The following KLB variants were observed in gnomAD, a reference collection of about 807,000 sequenced individuals.
KLB encodes the protein klotho beta.
Under a neutral mutation model 88.4 loss-of-function variants are expected in KLB, and 44 were observed. The observed-to-expected ratio is 0.50, with a 90% CI of 0.39 to 0.64. KLB has a LOEUF of 0.64. Among genes scored for constraint, KLB ranks in the 30% least tolerant of loss-of-function variants. The pLI is 0.00. For missense variants in KLB, 1,137 were observed against 1,304.8 expected (o/e 0.87, Z 1.98); for synonymous variants, 548 against 513.4 (o/e 1.07, Z -0.91).
At chr4:39,422,682 AAG>A (rs1743116162) in intron 1 of KLB, among the ~76,000 whole-genome samples, 1 of 152,126 alleles carries the variant, frequency 6.6e-6, no homozygotes, top group African/African-American at 2.4e-5. Flanking sequence ...ACTCATCTCT[AAG>A]ACCCTTTTAA....
At chr4:39,423,709 CCCTCCCCTGGG>C (rs1278201972) in intron 1 of KLB, among the ~76,000 whole-genome samples, 2 of 151,786 alleles carry the variant, frequency 1.3e-5, no homozygotes, top group Non-Finnish European at 2.9e-5. Flanking sequence ...CTAGGCCAGG[CCCTCCCCTGGG>C]CATCTGTGTG....
intron 1 of KLB, among the ~76,000 whole-genome samples, chr4:39,427,523 G>A (rs547076601): frequency 6.7e-6 from 1 of 148,910 alleles, no homozygotes; most frequent in African/African-American, 2.5e-5. Context: ...CCAAAATAGA[G>A]AAGGGCTAAG....
intron 1 of KLB, among the ~76,000 whole-genome samples, chr4:39,426,370 G>A (rs1160243135): frequency 6.9e-5 from 9 of 130,824 alleles, no homozygotes; most frequent in African/African-American, 1.1e-4. Context: ...AACTGAGATC[G>A]CGCCACTACA....
intron 3 of KLB, among the ~76,000 whole-genome samples, chr4:39,439,265 C>T (rs973691180): frequency 1.7e-4 from 26 of 152,050 alleles, no homozygotes; most frequent in Non-Finnish European, 3.4e-4. Flanking sequence ...TCCCAAAGTA[C>T]TGGGGTTGCA....
In KLB at chr4:39,434,252, C is replaced by G. The variant is rs1338764006; in HGVS notation, c.868C>G (p.Pro290Ala). 9 of 1,613,490 alleles carry G rather than the reference C, an allele frequency of 5.6e-6. No homozygotes were observed. In the African/African-American group the frequency reaches 1.2e-4, roughly 22 times the overall value. The change falls in exon 2 of 5, where the codon CCA becomes GCA. Residue 290 changes from proline (P) to alanine (A), a missense_variant. Pro to Ala is a conservative substitution (Grantham distance 27, BLOSUM62 -1). Coordinates refer to ENST00000257408, the MANE Select transcript of KLB (RefSeq NM_175737.4). ...VWHNYNTHFR[P>A]HQKGWLSITL... ...GCATAACTACAACACACATTTCCGC[C>G]CACATCAGAAGGGTTGGTTATCGAT...
chr4:39,440,384 G>A lies in KLB; in HGVS notation c.1605+2389G>A, dbSNP rs527791480. 1.8e-3 allele frequency among the ~76,000 whole-genome samples: 266 copies of A among 151,454 alleles called. 2 individuals carry two copies. The highest frequency in any genetic ancestry group is 2.7e-3 in the Non-Finnish European group (184 of 67,878). ...GGTCTTGAATGTCTTGACCTCAAGT[G>A]ATCTGCCTGCCTCAGTCTCCCAAAG... On this transcript the variant is annotated intron_variant, in intron 3 of 4. Transcript: ENST00000257408.
Position 39,446,166 on chromosome 4 carries a change from T to C in KLB, c.1606-166T>C, listed in dbSNP as rs1193893894. On this transcript the variant is annotated intron_variant, in intron 3 of 4. Transcript: ENST00000257408. This position sits in a 1 kb window ranked among gnomAD's most constrained non-coding sequence, Gnocchi z 6.4. ...CTTGTTTTCCAAGCCAGGACCTGGG[T>C]GTGGCTCCTTCTCTGTTTTCTGGTC... Among the ~76,000 whole-genome samples, 4 of 152,260 alleles carry C rather than the reference T, an allele frequency of 2.6e-5. No individual in the cohort carries two copies. Among genetic ancestry groups the C allele is most frequent in the Admixed American group, 6.5e-5 (1 of 15,300 alleles).
chr4:39,409,119 G>A (rs1373751974), intron 1 of KLB, among the ~76,000 whole-genome samples: 1 of 151,646 alleles, frequency 6.6e-6, no homozygotes, highest in Non-Finnish European at 1.5e-5. Context: ...ATGATTTCAA[G>A]GTCATTTGCA....
intron 3 of KLB, among the ~76,000 whole-genome samples, chr4:39,438,798 C>T (rs1578212206): frequency 6.6e-6 from 1 of 152,146 alleles, no homozygotes; most frequent in East Asian, 1.9e-4. Flanking sequence ...TTTAACTATG[C>T]TACCTGGAAA....
chr4:39,444,563 T>C (rs1743693884), intron 3 of KLB, among the ~76,000 whole-genome samples: 1 of 152,180 alleles, frequency 6.6e-6, no homozygotes, highest in Admixed American at 6.5e-5. Flanking sequence ...TGCATCATCT[T>C]TAACTAGAAA....
Position 39,437,785 on chromosome 4 carries a change from C to T in KLB, c.1395C>T (p.Gly465=). ...FGYTAWSLLD[G]FEWQDAYTIR... is the part of the protein sequence containing the mutation. ...ATACTGCCTGGTCTCTCCTGGATGG[C>T]TTTGAATGGCAGGATGCTTACACCA... is the stretch of plus-strand genomic sequence containing the variant. Residue 465 remains glycine (G), a synonymous_variant, in exon 3 of 5, where the codon GGC becomes GGT. Coordinates refer to ENST00000257408, the MANE Select transcript of KLB (RefSeq NM_175737.4). The T allele has an allele frequency of 6.2e-7, 1 of 1,614,088 alleles. No homozygotes were observed. The highest frequency in any genetic ancestry group is 8.5e-7 in the Non-Finnish European group (1 of 1,179,986).
At position 39,407,647 on chromosome 4, in the gene KLB, T is replaced by C; in HGVS notation, c.698T>C (p.Val233Ala). The change falls in exon 1 of 5, where the codon GTC becomes GCC. Residue 233 changes from valine (V) to alanine (A), a missense_variant. This residue lies in a region of KLB where 597 missense variants were observed against 765.2 expected (regional missense o/e 0.78). Coordinates refer to ENST00000257408, the MANE Select transcript of KLB (RefSeq NM_175737.4). ...TYCFQMFGDR[V>A]KYWITIHNPY... Reference sequence around the variant, plus strand: ...TGTTTCCAGATGTTTGGGGACCGTGTCAAATATTGGATTACAATTCACAAC... The same window carrying C: ...TGTTTCCAGATGTTTGGGGACCGTGCCAAATATTGGATTACAATTCACAAC... 2 of 1,614,054 alleles carry C rather than the reference T, an allele frequency of 1.2e-6. No homozygotes were observed. Among genetic ancestry groups the C allele is most frequent in the Non-Finnish European group, 8.5e-7 (1 of 1,179,916 alleles).
In KLB at chr4:39,434,312, T is replaced by G; in HGVS notation, c.928T>G (p.Ser310Ala). ...ATCTCATTGGATCGAGCCAAACCGG[T>G]CGGAAAACACGATGGATATATTCAA... is the stretch of plus-strand genomic sequence containing the variant. ...LGSHWIEPNRSENTMDIFKCQ... is the reference protein window; with the variant it reads ...LGSHWIEPNRAENTMDIFKCQ... The change falls in exon 2 of 5, where the codon TCG (serine) becomes GCG (alanine). Residue 310 changes from serine (S) to alanine (A), a missense_variant. Ser to Ala is a moderately conservative substitution (Grantham distance 99, BLOSUM62 1). Transcript: ENST00000257408. The G allele has an allele frequency of 6.2e-7, 1 of 1,614,188 alleles. No individual in the cohort carries two copies.
intron 4 of KLB, among the ~76,000 whole-genome samples, chr4:39,447,684 C>T (rs1743789370): frequency 6.6e-6 from 1 of 152,158 alleles, no homozygotes; most frequent in Non-Finnish European, 1.5e-5. Context: ...TTATAGAAAA[C>T]TGGGCACGTG....
At chr4:39,425,134 A>T (rs1160685245) in intron 1 of KLB, among the ~76,000 whole-genome samples, 1 of 152,202 alleles carries the variant, frequency 6.6e-6, no homozygotes, top group Admixed American at 6.5e-5. Context: ...TCCTCCGGCA[A>T]AGAGAACTTC....
At position 39,418,253 on chromosome 4, in the gene KLB, T is replaced by G. The variant is rs563567954; in HGVS notation, c.825+10479T>G. 2.2e-3 allele frequency among the ~76,000 whole-genome samples: 336 copies of G among 152,288 alleles called. 1 individual carries two copies. Among genetic ancestry groups the G allele is most frequent in the African/African-American group, 7.6e-3 (316 of 41,546 alleles). ...TGCCCTTGACAATATCTTTTTTATT[T>G]TTTTTGAAGAGTCTCGCTCTGTCAC... On this transcript the variant is annotated intron_variant, in intron 1 of 4. Coordinates refer to ENST00000257408, the MANE Select transcript of KLB (RefSeq NM_175737.4).
chr4:39,425,934 A>G (rs561172560), intron 1 of KLB, among the ~76,000 whole-genome samples: 62 of 151,800 alleles, frequency 4.1e-4, no homozygotes, highest in Middle Eastern at 3.4e-3. Context: ...CCTGGCCAAC[A>G]TGGTGAAACC....
Position 39,436,169 on chromosome 4 carries a change from C to T in KLB, c.1336+1449C>T, listed in dbSNP as rs1450246305. Among the ~76,000 whole-genome samples, 6 of 152,200 alleles carry T rather than the reference C, an allele frequency of 3.9e-5. No homozygotes were observed. In the East Asian group the frequency reaches 1.2e-3, roughly 29 times the overall value. On this transcript the variant is annotated intron_variant, in intron 2 of 4. Coordinates refer to ENST00000257408, the MANE Select transcript of KLB (RefSeq NM_175737.4). The stretch of plus-strand genomic sequence containing the variant: ...CTGGAGTTGGGCTCTATTTCACTCT[C>T]ATATTAAGGAATTCTCCATGGATCT...
rs1743880851 is a variant in KLB, at chr4:39,450,950, G to A, written c.*2264G>A. The A allele has an allele frequency of 6.6e-6, 1 of 151,310 alleles. No individual in the cohort carries two copies. The highest frequency in any genetic ancestry group is 2.4e-5 in the African/African-American group (1 of 41,166). 9.4% of individuals were successfully genotyped at this position (151,310 alleles called of 1,614,324 possible). On this transcript the variant is annotated 3_prime_UTR_variant, in exon 5 of 5. Transcript: ENST00000257408. ...CTTTCTCTTTCTCACTTTGTTTAAA[G>A]TATCTCGTACTCACAGTTCACAAAT...
Sources: allele counts gnomAD v4.1 joint callset (sites outside exome capture counted in the v4.1 genomes callset), GRCh38; gene constraint gnomAD v4.1.1; regional missense constraint gnomAD v4.1.1; non-coding constraint Gnocchi (gnomAD v3.1); transcripts MANE v1.5; gene names NCBI Gene and HGNC (gene_info 2026-07-23, HGNC 2026-07-21).